Variants in THRB observed in about 807,000 individuals in gnomAD.
THRB encodes the protein nuclear receptor subfamily 1 group A member 2.
Under a neutral mutation model 47.8 loss-of-function variants are expected in THRB, and 12 were observed. That is an observed-to-expected ratio of 0.25 (90% CI 0.16 to 0.41). The LOEUF is 0.41. Ranked by LOEUF, THRB falls within the 10% of genes least tolerant of loss-of-function variation. The pLI, the probability that THRB is intolerant of heterozygous loss-of-function variation, is 1.00. For missense variants in THRB, 348 were observed against 589.2 expected (o/e 0.59, Z 4.24); for synonymous variants, 218 against 212.2 (o/e 1.03, Z -0.24).
intron 1 of THRB, among the ~76,000 whole-genome samples, chr3:24,412,548 C>T (rs2068396106): frequency 6.6e-6 from 1 of 151,702 alleles, no homozygotes; most frequent in Non-Finnish European, 1.5e-5. Context: ...CCAAACAAAG[C>T]TAGGAGAAAA....
chr3:24,464,577 C>G (rs976114497), intron 1 of THRB, among the ~76,000 whole-genome samples: 5 of 152,046 alleles, frequency 3.3e-5, no homozygotes, highest in African/African-American at 1.2e-4. Context: ...ATCTGGAGGT[C>G]TTTCTTTTTA....
At chr3:24,236,665 C>A (rs1480610374) in intron 3 of THRB, among the ~76,000 whole-genome samples, 1 of 152,126 alleles carries the variant, frequency 6.6e-6, no homozygotes, top group Non-Finnish European at 1.5e-5. Context: ...ACCTGCCCTG[C>A]CATTTTCCTC....
chr3:24,333,420 T>C (rs1203116410), intron 2 of THRB, among the ~76,000 whole-genome samples: 2 of 152,220 alleles, frequency 1.3e-5, no homozygotes, highest in Non-Finnish European at 2.9e-5. Flanking sequence ...GAGAAACATA[T>C]GATTTATATC....
intron 1 of THRB, among the ~76,000 whole-genome samples, chr3:24,347,445 A>G (rs1005351363): frequency 6.6e-6 from 1 of 151,872 alleles, no homozygotes; most frequent in Non-Finnish European, 1.5e-5. Context: ...TGTAACAGAG[A>G]AAATCAATCA....
chr3:24,448,479 T>C (rs2072320365), intron 1 of THRB, among the ~76,000 whole-genome samples: 1 of 152,170 alleles, frequency 6.6e-6, no homozygotes, highest in African/African-American at 2.4e-5. Context: ...GCACTTGCTA[T>C]CAATTAGGAA....
In THRB at chr3:24,119,513, T is replaced by C. The variant is rs2148753963; in HGVS notation, c.*3371A>G. ...GCTTCAAGGGTGCTCAGCGGTTCCTTGGAGGCTGAGTCTGTGGGGGGCTTA... is the reference window on the plus strand; with the variant it reads ...GCTTCAAGGGTGCTCAGCGGTTCCTCGGAGGCTGAGTCTGTGGGGGGCTTA... On this transcript the variant is annotated 3_prime_UTR_variant, in exon 11 of 11. Transcript: ENST00000646209. 6.6e-6 allele frequency: 1 copy of C among 152,380 alleles called. No homozygotes were observed. Among genetic ancestry groups the C allele is most frequent in the South Asian group, 2.1e-4 (1 of 4,820 alleles). The allele number at this position is 152,380 out of a possible 1,614,324, so 9.4% of individuals were successfully genotyped here. A position where few individuals can be genotyped will look rare whatever the true frequency, so the allele number is the denominator to read the frequency against.
At chr3:24,265,476 A>G (rs1342240129) in intron 3 of THRB, among the ~76,000 whole-genome samples, 2 of 152,246 alleles carry the variant, frequency 1.3e-5, no homozygotes, top group African/African-American at 4.8e-5. Context: ...ACATATATTT[A>G]AATTTATTCA....
chr3:24,125,049 A>G (rs2032471971), intron 10 of THRB, among the ~76,000 whole-genome samples: 2 of 152,220 alleles, frequency 1.3e-5, no homozygotes, highest in South Asian at 4.1e-4. Flanking sequence ...TCACATTCAC[A>G]GTTTTTGTCA....
chr3:24,490,075 C>T (rs566414361), intron 1 of THRB, among the ~76,000 whole-genome samples: 1 of 152,244 alleles, frequency 6.6e-6, no homozygotes, highest in African/African-American at 2.4e-5. Flanking sequence ...AACAGGTATA[C>T]TCATCTCATC....
intron 4 of THRB, among the ~76,000 whole-genome samples, chr3:24,198,072 G>T (rs1336390924): frequency 1.3e-5 from 2 of 152,146 alleles, no homozygotes; most frequent in Non-Finnish European, 2.9e-5. Context: ...CAGTGCCTTT[G>T]AATCTACCCA....
At chr3:24,160,447 A>G (rs2038626406) in intron 5 of THRB, among the ~76,000 whole-genome samples, 1 of 152,202 alleles carries the variant, frequency 6.6e-6, no homozygotes, top group African/African-American at 2.4e-5. Context: ...AAGGCAGGAA[A>G]ACATGGCGGG....
chr3:24,485,191 C>G (rs1391057307), intron 1 of THRB, among the ~76,000 whole-genome samples: 1 of 152,162 alleles, frequency 6.6e-6, no homozygotes, highest in African/African-American at 2.4e-5. Flanking sequence ...GGCAGAGAAA[C>G]CCTTGAAGTA....
intron 3 of THRB, among the ~76,000 whole-genome samples, chr3:24,273,837 C>A (rs2053610164): frequency 7.0e-6 from 1 of 143,212 alleles, no homozygotes; most frequent in Non-Finnish European, 1.5e-5. Context: ...TGAATTATTT[C>A]TGGCAAGGAT....
At chr3:24,464,754 G>A (rs1004201439) in intron 1 of THRB, among the ~76,000 whole-genome samples, 8 of 151,952 alleles carry the variant, frequency 5.3e-5, no homozygotes, top group African/African-American at 9.7e-5. Flanking sequence ...TCCTCTACAG[G>A]TTTGGAGTCA....
At chr3:24,427,610 C>T (rs775034302) in intron 1 of THRB, among the ~76,000 whole-genome samples, 7 of 151,962 alleles carry the variant, frequency 4.6e-5, no homozygotes, top group African/African-American at 4.8e-5. Context: ...TCCAAAACTA[C>T]TTGAGCAAAT....
At chr3:24,124,370 CTCTT>C (rs1156862419) in intron 10 of THRB, among the ~76,000 whole-genome samples, 3 of 152,320 alleles carry the variant, frequency 2.0e-5, no homozygotes, top group Middle Eastern at 3.4e-3. Context: ...CCTATCTTCT[CTCTT>C]TCTTTGAGTG....
intron 5 of THRB, among the ~76,000 whole-genome samples, chr3:24,182,290 G>T (rs1003024493): frequency 2.0e-5 from 3 of 152,170 alleles, no homozygotes; most frequent in Non-Finnish European, 4.4e-5. Context: ...AGGGCAACTT[G>T]TAGGAGATGT....
chr3:24,212,616 A>G (rs2046173574), intron 4 of THRB, among the ~76,000 whole-genome samples: 1 of 149,982 alleles, frequency 6.7e-6, no homozygotes, highest in African/African-American at 2.4e-5. Context: ...AAGAGAATTG[A>G]GACCCATGAA....
chr3:24,414,750 T>C (rs1274540755), intron 1 of THRB, among the ~76,000 whole-genome samples: 1 of 151,814 alleles, frequency 6.6e-6, no homozygotes, highest in Non-Finnish European at 1.5e-5. Flanking sequence ...TGCATTATAT[T>C]AGGAGGAAAA....
Sources: allele counts gnomAD v4.1 joint callset (sites outside exome capture counted in the v4.1 genomes callset), GRCh38; gene constraint gnomAD v4.1.1; transcripts MANE v1.5; gene names NCBI Gene and HGNC (gene_info 2026-07-23, HGNC 2026-07-21).